ANKS1B: variants seen among roughly 807,000 people sequenced by gnomAD.
The protein encoded by ANKS1B is ankyrin repeat and sterile alpha motif domain containing 1B.
Under a neutral mutation model 148.3 loss-of-function variants are expected in ANKS1B, and 36 were observed. The ratio of observed to expected loss-of-function variants is 0.24; its 90% CI spans 0.19 to 0.32. ANKS1B has a LOEUF of 0.32. ANKS1B is among the 10% of genes least tolerant of loss of function. ANKS1B has a pLI of 1.00. For missense variants in ANKS1B, 1,157 were observed against 1,542.6 expected, an observed-to-expected ratio of 0.75 and a Z score of 4.19; for synonymous variants, 542 against 560.8, an observed-to-expected ratio of 0.97 and a Z score of 0.47.
chr12:99,984,018 G>T (rs1029618856), intron 1 of ANKS1B, 86 bp downstream of exon 1: 1 of 1,195,532 alleles, frequency 8.4e-7, no homozygotes, highest in Non-Finnish European at 1.2e-6. Context: ...GCAGCCACCA[G>T]GTGCAATAAC....
intron 12 of ANKS1B, among the ~76,000 whole-genome samples, chr12:99,315,393 T>C (rs2083884349): frequency 6.6e-6 from 1 of 151,376 alleles, no homozygotes; most frequent in Admixed American, 6.6e-5. Context: ...CATCAAAAAG[T>C]GGGAAAACGA....
chr12:99,213,522 G>GTGTCTAAAGACGTGTCTAA (rs1416497230), intron 14 of ANKS1B, among the ~76,000 whole-genome samples: 1 of 152,162 alleles, frequency 6.6e-6, no homozygotes, highest in Non-Finnish European at 1.5e-5. Context: ...GTCTAAAGCA[G>GTGTCTAAAGACGTGTCTAA]ATTACCTTTG....
At chr12:99,915,333 T>C (rs1038037264) in intron 1 of ANKS1B, among the ~76,000 whole-genome samples, 7 of 151,898 alleles carry the variant, frequency 4.6e-5, no homozygotes, top group Non-Finnish European at 1.0e-4. Context: ...TGAGCCTATC[T>C]GACATGTGTC....
intron 9 of ANKS1B, among the ~76,000 whole-genome samples, chr12:99,582,534 A>G (rs2097580870): frequency 6.6e-6 from 1 of 152,194 alleles, no homozygotes; most frequent in Non-Finnish European, 1.5e-5. Flanking sequence ...GACAACTAAT[A>G]TGTGGATGAA....
At chr12:99,083,756 C>A (rs2050651456) in intron 16 of ANKS1B, 1 of 152,100 alleles carries the variant, frequency 6.6e-6, no homozygotes, top group African/African-American at 2.4e-5. Flanking sequence ...ATACTTCCAG[C>A]AATTTGTTGC....
At chr12:99,698,044 C>G (rs886314995) in intron 8 of ANKS1B, among the ~76,000 whole-genome samples, 1 of 151,838 alleles carries the variant, frequency 6.6e-6, no homozygotes, top group South Asian at 2.1e-4. Context: ...GTAGAAAGAG[C>G]AGAAGGTATA....
intron 15 of ANKS1B, among the ~76,000 whole-genome samples, chr12:99,123,056 A>G (rs1443630414): frequency 2.0e-5 from 3 of 148,424 alleles, no homozygotes; most frequent in Non-Finnish European, 4.4e-5. Flanking sequence ...ACAAAAAACC[A>G]ACAAAAAAAC....
intron 20 of ANKS1B, among the ~76,000 whole-genome samples, chr12:98,807,233 TA>T (rs1184384944): frequency 6.6e-6 from 1 of 151,894 alleles, no homozygotes; most frequent in Non-Finnish European, 1.5e-5. Flanking sequence ...CAGCTCAGAG[TA>T]AAATGGGTCA....
At chr12:98,909,917 A>G (rs2099784461) in intron 17 of ANKS1B, among the ~76,000 whole-genome samples, 1 of 152,214 alleles carries the variant, frequency 6.6e-6, no homozygotes, top group Non-Finnish European at 1.5e-5. Flanking sequence ...AGGCTGATAC[A>G]GCTCCATACC....
At chr12:98,793,229 C>T (rs2098905145) in intron 22 of ANKS1B, among the ~76,000 whole-genome samples, 1 of 152,146 alleles carries the variant, frequency 6.6e-6, no homozygotes, top group Non-Finnish European at 1.5e-5. Flanking sequence ...TTGCATTTCC[C>T]TACTGATTAA....
At chr12:99,511,678 T>C (rs1427612957) in intron 9 of ANKS1B, among the ~76,000 whole-genome samples, 1 of 151,936 alleles carries the variant, frequency 6.6e-6, no homozygotes, top group Non-Finnish European at 1.5e-5. Flanking sequence ...AAGGCTATAG[T>C]AATGAAAAAA....
intron 4 of ANKS1B, among the ~76,000 whole-genome samples, chr12:99,793,869 A>G (rs964756805): frequency 6.6e-6 from 1 of 152,076 alleles, no homozygotes; most frequent in Non-Finnish European, 1.5e-5. Flanking sequence ...GAAACAATCA[A>G]CAAAGTGAAG....
chr12:99,913,694 T>C (rs1318415590), intron 1 of ANKS1B, among the ~76,000 whole-genome samples: 1 of 152,072 alleles, frequency 6.6e-6, no homozygotes, highest in African/African-American at 2.4e-5. Context: ...TTAGGGCTTA[T>C]GGGAGTAACG....
At chr12:99,685,201 T>C (rs1396735155) in intron 8 of ANKS1B, among the ~76,000 whole-genome samples, 1 of 151,862 alleles carries the variant, frequency 6.6e-6, no homozygotes, top group African/African-American at 2.4e-5. Flanking sequence ...AGGACTAATA[T>C]CCAGAATCTA....
At chr12:99,682,926 A>G (rs1055046148) in intron 8 of ANKS1B, among the ~76,000 whole-genome samples, 2 of 152,152 alleles carry the variant, frequency 1.3e-5, no homozygotes, top group Admixed American at 6.5e-5. Flanking sequence ...AATTTATTAA[A>G]AAATAAAAAA....
intron 14 of ANKS1B, among the ~76,000 whole-genome samples, chr12:99,214,531 C>T (rs930031068): frequency 1.3e-4 from 20 of 152,314 alleles, no homozygotes; most frequent in South Asian, 2.1e-4. Flanking sequence ...CCTGCCATCA[C>T]GTAAGACATG....
At chr12:99,632,767 A>ATATATATATATATTTTTT (rs1441486862) in intron 9 of ANKS1B, among the ~76,000 whole-genome samples, 12 of 71,312 alleles carry the variant, frequency 1.7e-4, no homozygotes, top group South Asian at 4.5e-4. Context: ...ATATATATAT[A>ATATATATATATATTTTTT]TTTTAATTAT....
In ANKS1B at chr12:99,732,751, T is replaced by C. The variant is rs576113239; in HGVS notation, c.1128+40171A>G. Among the ~76,000 whole-genome samples, 271 of 152,312 alleles carry C rather than the reference T, an allele frequency of 1.8e-3. 1 individual carries two copies. The highest frequency in any genetic ancestry group is 2.3e-3 in the Non-Finnish European group (156 of 68,030). On this transcript the variant is annotated intron_variant, in intron 8 of 26. Coordinates refer to ENST00000683438, the MANE Select transcript of ANKS1B (RefSeq NM_001352186.2). ...TATGTAAATTATATCTCTAATTTTT[T>C]TAAAAAGGTCAATAGAAGCAATGTA...
At chr12:99,290,536 A>G (rs1183437872) in intron 12 of ANKS1B, among the ~76,000 whole-genome samples, 1 of 152,068 alleles carries the variant, frequency 6.6e-6, no homozygotes, top group Non-Finnish European at 1.5e-5. Context: ...AAATAAGAGC[A>G]GTCCAAATTC....
Sources: allele counts gnomAD v4.1 joint callset (sites outside exome capture counted in the v4.1 genomes callset), GRCh38; gene constraint gnomAD v4.1.1; transcripts MANE v1.5; gene names NCBI Gene and HGNC (gene_info 2026-07-23, HGNC 2026-07-21).